Variants in PLSCR3 observed in about 807,000 individuals in gnomAD.
PLSCR3 encodes PL scramblase 3.
PLSCR3 carries 17 observed loss-of-function variants against 33.7 expected under a neutral mutation model. The ratio of observed to expected loss-of-function variants is 0.50; its 90% CI spans 0.35 to 0.76. The LOEUF is 0.76. Ranked by LOEUF, PLSCR3 falls within the 30% of genes least tolerant of loss-of-function variation. PLSCR3 has a pLI of 0.01. For missense variants in PLSCR3, 360 were observed against 394.1 expected (o/e 0.91, Z 0.73); for synonymous variants, 166 against 166.0 (o/e 1.00, Z 0.00).
chr17:7,390,625 C>T lies in PLSCR3; in HGVS notation c.831+9G>A. 4 of 1,613,720 alleles carry T rather than the reference C, an allele frequency of 2.5e-6. No individual in the cohort carries two copies. Among genetic ancestry groups the T allele is most frequent in the Non-Finnish European group, 2.5e-6 (3 of 1,179,662 alleles). ...AGGCAGGAGGTGGGGGCAGGGGCAG[C>T]CAACTCACAATGAGGAATGTGGCTC... On this transcript the variant is annotated intron_variant, in intron 7 of 7. Coordinates refer to ENST00000619711, the MANE Select transcript of PLSCR3 (RefSeq NM_020360.4).
At chr17:7,393,104 C>T in intron 5 of PLSCR3, 40 bp downstream of exon 5, 1 of 1,433,172 alleles carries the variant, frequency 7.0e-7, no homozygotes, top group Non-Finnish European at 9.1e-7. Context: ...TTGTCCCGCC[C>T]CACCAAGGCC....
chr17:7,393,765 G>A lies in PLSCR3; in HGVS notation c.79C>T (p.Pro27Ser), dbSNP rs748174964. ...TGCCCGGGCCCAGGATGTAGCGCCG[G>A]CTCCGGGTACCCAGGGGTGACAGGG... ...PYPVTPGYPE[P>S]ALHPGPGQAP... The change falls in exon 3 of 8, where the codon CCG (proline) becomes TCG (serine). Residue 27 changes from proline to serine, a missense_variant. Coordinates refer to ENST00000619711, the MANE Select transcript of PLSCR3 (RefSeq NM_020360.4). 6.6e-7 allele frequency: 1 copy of A among 1,508,744 alleles called. No homozygotes were observed. The highest frequency in any genetic ancestry group is 1.2e-5 in the South Asian group (1 of 80,194). The allele number at this position is 1,508,744 out of a possible 1,614,324, so 93.5% of individuals were successfully genotyped here. A position where few individuals can be genotyped will look rare whatever the true frequency, so the allele number is the denominator to read the frequency against.
In PLSCR3 at chr17:7,394,231, C is replaced by A; in HGVS notation, c.-121G>T. 2.2e-6 allele frequency: 2 copies of A among 922,292 alleles called. No individual in the cohort carries two copies. The highest frequency in any genetic ancestry group is 3.4e-6 in the Non-Finnish European group (2 of 594,722). The allele number at this position is 922,292 out of a possible 1,614,324, so 57.1% of individuals were successfully genotyped here. A position where few individuals can be genotyped will look rare whatever the true frequency, so the allele number is the denominator to read the frequency against. ...AGACACAAAGACGGAGAGGCAGCTG[C>A]GCCCGGCGCCGGCCCAGGGTCTCTT... is the stretch of plus-strand genomic sequence containing the variant. On this transcript the variant is annotated 5_prime_UTR_variant, in exon 2 of 8. Transcript: ENST00000619711. The surrounding 1 kb of genome is among the most constrained non-coding windows in gnomAD (Gnocchi z 5.3).
intron 5 of PLSCR3, 51 bp from the exon 6 acceptor site, chr17:7,393,003 T>C (rs760506845): frequency 1.3e-6 from 2 of 1,565,520 alleles, no homozygotes; most frequent in East Asian, 2.2e-5. Context: ...GTCCCAGCTC[T>C]ATCATCTGTC....
Position 7,390,264 on chromosome 17 carries a change from G to A in PLSCR3, c.*121C>T. The A allele has an allele frequency of 1.3e-6, 1 of 788,226 alleles. No homozygotes were observed. Among genetic ancestry groups the A allele is most frequent in the Admixed American group, 3.0e-5 (1 of 32,884 alleles). 48.8% of individuals were successfully genotyped at this position (788,226 alleles called of 1,614,324 possible). A position where few individuals can be genotyped will look rare whatever the true frequency, so the allele number is the denominator to read the frequency against. The stretch of plus-strand genomic sequence containing the variant: ...CGGCCAGGGAGTAGGGTAGGGATGG[G>A]GCCCCCCTTCTGTCCCCTGCAGTGT... On this transcript the variant is annotated 3_prime_UTR_variant, in exon 8 of 8. Transcript: ENST00000619711.
intron 6 of PLSCR3, among the ~76,000 whole-genome samples, chr17:7,392,257 C>G (rs1162159446): frequency 6.6e-6 from 1 of 152,190 alleles, no homozygotes; most frequent in African/African-American, 2.4e-5. Context: ...TTCTAGAAAC[C>G]AAGGTGCTTC....
Position 7,390,931 on chromosome 17 carries a change from G to A in PLSCR3, c.670-136C>T, listed in dbSNP as rs189843427. ...TGAATCTTCCCCTCTAATGGTCACC[G>A]AGTGATCGCTTTCCTAACTGGTTCC... On this transcript the variant is annotated intron_variant, in intron 6 of 7. Coordinates refer to ENST00000619711, the MANE Select transcript of PLSCR3 (RefSeq NM_020360.4). 4.5e-5 allele frequency: 38 copies of A among 841,634 alleles called. No individual in the cohort carries two copies. In the East Asian group the frequency reaches 7.4e-4, roughly 16 times the overall value. 52.1% of individuals were successfully genotyped at this position (841,634 alleles called of 1,614,324 possible).
chr17:7,393,828 G>A lies in PLSCR3; in HGVS notation c.16C>T (p.Pro6Ser), dbSNP rs776033551. ...GGCGAAGGGGCGTAGCCTTTGGGGGGCAAGTAGCCTGTAAAGCGGTGGGAG... is the reference window on the plus strand; with the variant it reads ...GGCGAAGGGGCGTAGCCTTTGGGGGACAAGTAGCCTGTAAAGCGGTGGGAG... Reference protein sequence around the residue: MAGYLPPKGYAPSPPP... With the variant: MAGYLSPKGYAPSPPP... Residue 6 changes from proline (P) to serine (S), a missense_variant, in exon 3 of 8, where the codon CCC (proline) becomes TCC (serine). Coordinates refer to ENST00000619711, the MANE Select transcript of PLSCR3 (RefSeq NM_020360.4). 1.6e-4 allele frequency: 239 copies of A among 1,488,268 alleles called. No individual in the cohort carries two copies. In the Middle Eastern group the frequency reaches 1.7e-3, roughly 11 times the overall value. The allele number at this position is 1,488,268 out of a possible 1,614,324, so 92.2% of individuals were successfully genotyped here.
In PLSCR3 at chr17:7,389,983, CG is replaced by C. The variant is rs998629963; in HGVS notation, c.*401del. ...TGGCCAAGCAGATGCTAGGCAGCGG[CG>C]GGGGGGCGGTGGCTATATCCACCGT... On this transcript the variant is annotated 3_prime_UTR_variant, in exon 8 of 8. Coordinates refer to ENST00000619711, the MANE Select transcript of PLSCR3 (RefSeq NM_020360.4). 6.0e-6 allele frequency: 1 copy of C among 167,938 alleles called. No individual in the cohort carries two copies. The highest frequency in any genetic ancestry group is 1.7e-4 in the East Asian group (1 of 6,024). The allele number at this position is 167,938 out of a possible 1,614,324, so 10.4% of individuals were successfully genotyped here.
Position 7,392,930 on chromosome 17 carries a change from C to T in PLSCR3, c.530G>A (p.Gly177Asp). 2 of 1,613,084 alleles carry T rather than the reference C, an allele frequency of 1.2e-6. No individual in the cohort carries two copies. The highest frequency in any genetic ancestry group is 2.2e-5 in the East Asian group (1 of 44,870). The change falls in exon 6 of 8, where the codon GGC becomes GAC. Residue 177 changes from glycine (G) to aspartate (D), a missense_variant. Physicochemically the swap from Gly to Asp is moderately conservative, Grantham distance 94. Transcript: ENST00000619711. ...CTGTAGCACGTGGCCAATGGTGGTG[C>T]CTGGTGGAGCCTGTACTTCCATCTG... ...LQEMEVQAPP[G>D]TTIGHVLQTW...
chr17:7,390,718 T>C lies in PLSCR3; in HGVS notation c.747A>G (p.Thr249=), dbSNP rs2143194600. The stretch of plus-strand genomic sequence containing the variant: ...ACTGTAGGCCAAAGTCATCTGCATC[T>C]GTGAGGGCTTCTCGGACCAGGCCCC... ...QWGGLVREAL[T]DADDFGLQFP... The change falls in exon 7 of 8, where the codon ACA becomes ACG. Residue 249 remains threonine, a synonymous_variant. Transcript: ENST00000619711. The C allele has an allele frequency of 5.0e-6, 8 of 1,614,218 alleles. No homozygotes were observed. The highest frequency in any genetic ancestry group is 5.9e-6 in the Non-Finnish European group (7 of 1,180,030).
In PLSCR3 at chr17:7,394,064, G is replaced by T. The variant is rs777855678; in HGVS notation, c.7+40C>A. ...GTTCAAACCCGGCTCCCAAGTCCGTGGGGGGGATAACGGAGACCCCCAGAC... is the reference window on the plus strand; with the variant it reads ...GTTCAAACCCGGCTCCCAAGTCCGTTGGGGGGATAACGGAGACCCCCAGAC... On this transcript the variant is annotated intron_variant, in intron 2 of 7. Coordinates refer to ENST00000619711, the MANE Select transcript of PLSCR3 (RefSeq NM_020360.4). This position sits in a 1 kb window ranked among gnomAD's most constrained non-coding sequence, Gnocchi z 5.3. 1 of 1,599,336 alleles carries T rather than the reference G, an allele frequency of 6.3e-7. No homozygotes were observed. Among genetic ancestry groups the T allele is most frequent in the Admixed American group, 1.7e-5 (1 of 58,734 alleles).
Position 7,392,922 on chromosome 17 carries a change from T to C in PLSCR3, c.538A>G (p.Ile180Val). 6.2e-7 allele frequency: 1 copy of C among 1,613,644 alleles called. No homozygotes were observed. The highest frequency in any genetic ancestry group is 8.5e-7 in the Non-Finnish European group (1 of 1,179,728). The change falls in exon 6 of 8, where the codon ATT (isoleucine) becomes GTT (valine). Residue 180 changes from isoleucine (I) to valine (V), a missense_variant. By Grantham distance (29) the Ile-to-Val change is conservative (BLOSUM62 3). Coordinates refer to ENST00000619711, the MANE Select transcript of PLSCR3 (RefSeq NM_020360.4). ...MEVQAPPGTT[I>V]GHVLQTWHPF... ...TGCCAGGTCTGTAGCACGTGGCCAA[T>C]GGTGGTGCCTGGTGGAGCCTGTACT...
In PLSCR3 at chr17:7,393,451, C is replaced by T. The variant is rs758786776; in HGVS notation, c.286+16G>A. 3.3e-5 allele frequency: 53 copies of T among 1,613,942 alleles called. No individual in the cohort carries two copies. The highest frequency in any genetic ancestry group is 4.5e-5 in the Non-Finnish European group (53 of 1,179,988). On this transcript the variant is annotated intron_variant, in intron 4 of 7. Coordinates refer to ENST00000619711, the MANE Select transcript of PLSCR3 (RefSeq NM_020360.4). ...GCCACCATCATGAGGTCCAACCTCC[C>T]ACTCCTTCTACTTACTTTCCACTCG...
chr17:7,393,801 G>A lies in PLSCR3; in HGVS notation c.43C>T (p.Pro15Ser). 1 of 1,510,624 alleles carries A rather than the reference G, an allele frequency of 6.6e-7. No homozygotes were observed. Among genetic ancestry groups the A allele is most frequent in the Middle Eastern group, 1.9e-4 (1 of 5,186 alleles). 93.6% of individuals were successfully genotyped at this position (1,510,624 alleles called of 1,614,324 possible). ...CCAGGGGTGACAGGGTAGGGAGGTGGGGGCGAAGGGGCGTAGCCTTTGGGG... is the reference window on the plus strand; with the variant it reads ...CCAGGGGTGACAGGGTAGGGAGGTGAGGGCGAAGGGGCGTAGCCTTTGGGG... ...LPPKGYAPSP[P>S]PPYPVTPGYP... The change falls in exon 3 of 8, where the codon CCA becomes TCA. Residue 15 changes from proline (P) to serine (S), a missense_variant. Physicochemically the swap from Pro to Ser is moderately conservative, Grantham distance 74. Transcript: ENST00000619711.
rs774701116 is a variant in PLSCR3 at position 7,390,713 on chromosome 17, G to A, written c.752C>T (p.Ala251Val). The change falls in exon 7 of 8, where the codon GCA (alanine) becomes GTA (valine). Residue 251 changes from alanine (A) to valine (V), a missense_variant. Physicochemically the swap from Ala to Val is moderately conservative, Grantham distance 64. Transcript: ENST00000619711. ...CGGGAACTGTAGGCCAAAGTCATCT[G>A]CATCTGTGAGGGCTTCTCGGACCAG... ...GGLVREALTD[A>V]DDFGLQFPLD... The A allele has an allele frequency of 1.2e-5, 20 of 1,614,066 alleles. No homozygotes were observed. Among genetic ancestry groups the A allele is most frequent in the East Asian group, 2.2e-5 (1 of 44,902 alleles).
At chr17:7,393,117 C>CCCCA in intron 5 of PLSCR3, 27 bp downstream of exon 5, 1 of 1,276,284 alleles carries the variant, frequency 7.8e-7, no homozygotes, top group Non-Finnish European at 1.1e-6. Context: ...CCAAGGCCCG[C>CCCCA]CCTCCCGGCC....
chr17:7,392,875 G>A lies in PLSCR3; in HGVS notation c.585C>T (p.Ser195=), dbSNP rs1298049197. The change falls in exon 6 of 8, where the codon TCC becomes TCT. Residue 195 remains serine (S), a synonymous_variant. Transcript: ENST00000619711. ...QTWHPFLPKF[S]IQDADRQTVL... ...CTGTCTGGCGATCGGCATCCTGGAT[G>A]GAGAACTTGGGGAGGAAGGGATGCC... 1.2e-6 allele frequency: 2 copies of A among 1,613,994 alleles called. No individual in the cohort carries two copies. The highest frequency in any genetic ancestry group is 1.3e-5 in the African/African-American group (1 of 74,928).
At position 7,390,157 on chromosome 17, in the gene PLSCR3, C is replaced by T. The variant is rs1048891232; in HGVS notation, c.*228G>A. The T allele has an allele frequency of 2.4e-5, 12 of 498,524 alleles. No individual in the cohort carries two copies. Among genetic ancestry groups the T allele is most frequent in the African/African-American group, 1.9e-4 (10 of 52,198 alleles). The allele number at this position is 498,524 out of a possible 1,614,324, so 30.9% of individuals were successfully genotyped here. The stretch of plus-strand genomic sequence containing the variant: ...TGTGAAAGCTGATATGCCTGTGTGC[C>T]GAGGGACTGCTGGGACAGTGGTGGG... On this transcript the variant is annotated 3_prime_UTR_variant, in exon 8 of 8. Transcript: ENST00000619711.
Sources: gnomAD v4.1 joint callset for allele counts (sites outside exome capture counted in the v4.1 genomes callset) on GRCh38, gnomAD v4.1.1 for gene constraint, Gnocchi (gnomAD v3.1) non-coding constraint, MANE v1.5 for transcripts, NCBI Gene and HGNC (gene_info 2026-07-23, HGNC 2026-07-21) for gene names.